Variants in EXOC4 observed in about 807,000 individuals in gnomAD.
The protein encoded by EXOC4 is exocyst complex component 4.
In EXOC4, 71 loss-of-function variants were observed where a neutral mutation model predicts 107.2. The observed-to-expected ratio is 0.66, with a 90% confidence interval of 0.55 to 0.81. EXOC4 has a LOEUF of 0.81. Ranked by LOEUF, EXOC4 falls within the 30% of genes least tolerant of loss-of-function variation. EXOC4 has a pLI of 0.00. For synonymous variants in EXOC4, 456 were observed against 441.2 expected (o/e 1.03, Z -0.42); for missense variants, 1,108 against 1,189.6 (o/e 0.93, Z 1.01).
chr7:133,883,720 T>A (rs1303283271), intron 11 of EXOC4, among the ~76,000 whole-genome samples: 1 of 152,160 alleles, frequency 6.6e-6, no homozygotes, highest in Non-Finnish European at 1.5e-5. Flanking sequence ...ACATGAACAC[T>A]CATTTCTGTG....
At chr7:133,700,779 A>C (rs1379723079) in intron 10 of EXOC4, among the ~76,000 whole-genome samples, 8 of 152,324 alleles carry the variant, frequency 5.3e-5, no homozygotes, top group Non-Finnish European at 8.8e-5. Flanking sequence ...TCTAAGGAAC[A>C]TTACAGGGAC....
At position 133,847,390 on chromosome 7, in the gene EXOC4, T is replaced by A. The variant is rs913240092; in HGVS notation, c.1734+29846T>A. Among the ~76,000 whole-genome samples the A allele has an allele frequency of 8.6e-3, 89 of 10,314 alleles. No homozygotes were observed. In the South Asian group the frequency reaches 0.27, roughly 32 times the overall value. The allele number at this position is 10,314 out of a possible 152,430, so 6.8% of individuals were successfully genotyped here. A position where few individuals can be genotyped will look rare whatever the true frequency, so the allele number is the denominator to read the frequency against. ...CTTCTTTTATTTTTTTAATTTTTTT[T>A]TTTTTTGGAGACTGAGTCTCGCTCT... On this transcript the variant is annotated intron_variant, in intron 11 of 17. Coordinates refer to ENST00000253861, the MANE Select transcript of EXOC4 (RefSeq NM_021807.4).
chr7:134,085,061 T>C, the EXOC4 span, among the ~76,000 whole-genome samples: 3 of 152,228 alleles, frequency 2.0e-5, no homozygotes, highest in South Asian at 6.2e-4. Context: ...CTGCTGGGAT[T>C]GGCCAAGACT....
rs559035446 is a variant in EXOC4 at position 133,676,927 on chromosome 7, C to CTGTGTGTGTGTG, written c.1514+46804_1514+46815dup. 2.4e-3 allele frequency among the ~76,000 whole-genome samples: 302 copies of CTGTGTGTGTGTG among 124,346 alleles called. 1 individual carries two copies. Among genetic ancestry groups the CTGTGTGTGTGTG allele is most frequent in the East Asian group, 4.4e-3 (18 of 4,052 alleles). The allele number at this position is 124,346 out of a possible 152,430, so 81.6% of individuals were successfully genotyped here. ...ATTATTGGGGGGTATGTAGTAAACT[C>CTGTGTGTGTGTG]TGTGTGTGTGTGTGTGTGTGTGTGT... On this transcript the variant is annotated intron_variant, in intron 10 of 17. Transcript: ENST00000253861.
chr7:134,001,834 T>G (rs1794537715), intron 15 of EXOC4, among the ~76,000 whole-genome samples: 1 of 152,250 alleles, frequency 6.6e-6, no homozygotes, highest in East Asian at 1.9e-4. Flanking sequence ...GTGGGATCTG[T>G]GTGCAGCAGA....
chr7:133,559,639 G>A (rs1800770286), intron 9 of EXOC4, among the ~76,000 whole-genome samples: 1 of 152,164 alleles, frequency 6.6e-6, no homozygotes, highest in Admixed American at 6.5e-5. Flanking sequence ...TTTTCCTCAG[G>A]ACCACAGAGC....
At chr7:133,795,219 C>A (rs1048186430) in intron 10 of EXOC4, among the ~76,000 whole-genome samples, 1 of 152,120 alleles carries the variant, frequency 6.6e-6, no homozygotes, top group Non-Finnish European at 1.5e-5. Context: ...CTAACCACAA[C>A]CATGAAAATA....
intron 10 of EXOC4, among the ~76,000 whole-genome samples, chr7:133,692,762 G>A (rs1218223579): frequency 6.6e-6 from 1 of 152,188 alleles, no homozygotes; most frequent in Non-Finnish European, 1.5e-5. Flanking sequence ...GTATGTTCAT[G>A]TACGTTTTTA....
chr7:133,434,971 A>T (rs555310509), intron 7 of EXOC4, among the ~76,000 whole-genome samples: 1 of 152,204 alleles, frequency 6.6e-6, no homozygotes, highest in Non-Finnish European at 1.5e-5. Context: ...CCATCTAGGA[A>T]TCTGATTTTC....
Position 133,817,308 on chromosome 7 carries a change from T to A in EXOC4, c.1515-17T>A. ...TTCCTCATAAATTTAATAACCTTCT[T>A]ACTGTTTGTCCTCCAGATTTATTCA... On this transcript the variant is annotated splice_polypyrimidine_tract_variant and intron_variant, in intron 10 of 17. Coordinates refer to ENST00000253861, the MANE Select transcript of EXOC4 (RefSeq NM_021807.4). 1 of 1,571,932 alleles carries A rather than the reference T, an allele frequency of 6.4e-7. No homozygotes were observed. Among genetic ancestry groups the A allele is most frequent in the South Asian group, 1.1e-5 (1 of 89,616 alleles).
chr7:133,840,433 T>G (rs1798002026), intron 11 of EXOC4, among the ~76,000 whole-genome samples: 1 of 152,122 alleles, frequency 6.6e-6, no homozygotes, highest in Admixed American at 6.5e-5. Context: ...GGGAGAAGAT[T>G]TTGATTGGGC....
intron 9 of EXOC4, among the ~76,000 whole-genome samples, chr7:133,490,287 C>A (rs139520000): frequency 6.6e-6 from 1 of 152,118 alleles, no homozygotes; most frequent in Non-Finnish European, 1.5e-5. Flanking sequence ...TACATGCAGC[C>A]CTACTTATAT....
At chr7:133,448,882 A>G (rs1299019397) in intron 7 of EXOC4, among the ~76,000 whole-genome samples, 2 of 152,124 alleles carry the variant, frequency 1.3e-5, no homozygotes, top group African/African-American at 4.8e-5. Context: ...AGGTGGGTGG[A>G]TCACTTGAGG....
chr7:133,773,464 T>TTATTATTA (rs1796284998), intron 10 of EXOC4, among the ~76,000 whole-genome samples: 21 of 149,226 alleles, frequency 1.4e-4, no homozygotes, highest in African/African-American at 4.5e-4. Context: ...TTACTAGGTT[T>TTATTATTA]TTATTATTAT....
intron 11 of EXOC4, among the ~76,000 whole-genome samples, chr7:133,855,636 CAT>C (rs57315144): frequency 0.11 from 17,149 of 152,100 alleles, 1,066 homozygotes; most frequent in Middle Eastern, 0.14. Flanking sequence ...TTTTGAAAAA[CAT>C]AGTGTGTACC....
chr7:133,325,204 A>T (rs1046190560), intron 5 of EXOC4, among the ~76,000 whole-genome samples: 1 of 152,132 alleles, frequency 6.6e-6, no homozygotes, highest in Non-Finnish European at 1.5e-5. Context: ...CATTTAGCCC[A>T]TTTACATTCA....
chr7:133,690,031 G>A (rs896992463), intron 10 of EXOC4, among the ~76,000 whole-genome samples: 1 of 152,106 alleles, frequency 6.6e-6, no homozygotes, highest in Admixed American at 6.5e-5. Context: ...GAAAGTTAAA[G>A]CACAGGGAAC....
chr7:133,486,940 A>T (rs1423148366), intron 9 of EXOC4, among the ~76,000 whole-genome samples: 1 of 152,236 alleles, frequency 6.6e-6, no homozygotes, highest in Non-Finnish European at 1.5e-5. Context: ...TCATTTAGGA[A>T]ATAAAAATAT....
chr7:133,623,741 G>A (rs375782269), intron 9 of EXOC4, among the ~76,000 whole-genome samples: 7 of 152,112 alleles, frequency 4.6e-5, no homozygotes, highest in East Asian at 3.9e-4. Context: ...AATCATTTGA[G>A]GGCAAGGATA....
Sources: allele counts gnomAD v4.1 joint callset (sites outside exome capture counted in the v4.1 genomes callset), GRCh38; gene constraint gnomAD v4.1.1; transcripts MANE v1.5; gene names NCBI Gene and HGNC (gene_info 2026-07-23, HGNC 2026-07-21).